The following RBFOX1 variants were observed in gnomAD, a reference collection of about 807,000 sequenced individuals.
The protein encoded by RBFOX1 is RNA binding fox-1 homolog 1, also known as RNA binding protein fox-1 homolog 1.
Under a neutral mutation model 57.7 loss-of-function variants are expected in RBFOX1, and 8 were observed. The ratio of observed to expected loss-of-function variants is 0.14; its 90% confidence interval spans 0.08 to 0.25. The LOEUF is 0.25. RBFOX1 is among the 10% of genes least tolerant of loss of function. The pLI is 1.00. For missense variants in RBFOX1, 611 were observed against 548.5 expected, an observed-to-expected ratio of 1.11 and a Z score of -1.14; for synonymous variants, 326 against 222.4, an observed-to-expected ratio of 1.47 and a Z score of -4.15.
intron 4 of RBFOX1, among the ~76,000 whole-genome samples, chr16:7,425,540 G>A (rs2098602205): frequency 6.6e-6 from 1 of 152,056 alleles, no homozygotes; most frequent in Non-Finnish European, 1.5e-5. Flanking sequence ...CTTATTTCTG[G>A]CGGTCTCTTT....
At chr16:6,179,008 C>T (rs1324276258) in intron 1 of RBFOX1, among the ~76,000 whole-genome samples, 1 of 152,104 alleles carries the variant, frequency 6.6e-6, no homozygotes, top group Non-Finnish European at 1.5e-5. Flanking sequence ...ATTTGTATAC[C>T]ACTCAACAAG....
chr16:7,094,873 A>T (rs1433856428), intron 4 of RBFOX1, among the ~76,000 whole-genome samples: 2 of 151,910 alleles, frequency 1.3e-5, no homozygotes, highest in Non-Finnish European at 2.9e-5. Context: ...TAACATTTGG[A>T]TAACGTGTTC....
intron 1 of RBFOX1, among the ~76,000 whole-genome samples, chr16:5,430,310 T>G (rs1369584524): frequency 1.3e-5 from 2 of 152,022 alleles, no homozygotes; most frequent in Non-Finnish European, 2.9e-5. Flanking sequence ...ACCTGAAAGA[T>G]AAATGGGAGT....
At chr16:6,035,192 C>T (rs1273750512) in intron 1 of RBFOX1, among the ~76,000 whole-genome samples, 1 of 152,146 alleles carries the variant, frequency 6.6e-6, no homozygotes, top group Non-Finnish European at 1.5e-5. Flanking sequence ...GAACCTTGCC[C>T]CACTAACTCA....
At chr16:5,832,786 T>C (rs2056324982) in intron 3 of RBFOX1, among the ~76,000 whole-genome samples, 1 of 152,184 alleles carries the variant, frequency 6.6e-6, no homozygotes, top group South Asian at 2.1e-4. Context: ...ACCAAAGATG[T>C]TCTGGAAGCT....
intron 2 of RBFOX1, among the ~76,000 whole-genome samples, chr16:6,569,595 G>A (rs1026170508): frequency 6.6e-6 from 1 of 152,192 alleles, no homozygotes; most frequent in Non-Finnish European, 1.5e-5. Flanking sequence ...TAGTTGCGAC[G>A]TGGAGAAATC....
At chr16:7,180,330 G>C (rs549612884) in intron 4 of RBFOX1, among the ~76,000 whole-genome samples, 1 of 152,246 alleles carries the variant, frequency 6.6e-6, no homozygotes, top group South Asian at 2.1e-4. Context: ...AGAAAACTGA[G>C]GCTAAGAGAA....
At chr16:7,162,976 G>A (rs1308181863) in intron 4 of RBFOX1, among the ~76,000 whole-genome samples, 1 of 152,050 alleles carries the variant, frequency 6.6e-6, no homozygotes, top group South Asian at 2.1e-4. Flanking sequence ...CCAGTCACCT[G>A]GCATCTCCAC....
chr16:6,573,955 C>G (rs9940967), intron 2 of RBFOX1: 1 of 152,026 alleles, frequency 6.6e-6, no homozygotes, highest in East Asian at 1.9e-4. Context: ...GAGGTTATAC[C>G]CTCGCTTAGG....
chr16:6,281,464 A>G (rs1384280925), intron 1 of RBFOX1, among the ~76,000 whole-genome samples: 3 of 152,104 alleles, frequency 2.0e-5, no homozygotes. Flanking sequence ...GAAAATTACC[A>G]TGAATGTGTC....
chr16:6,670,516 T>C (rs2098757514), intron 3 of RBFOX1, among the ~76,000 whole-genome samples: 1 of 152,124 alleles, frequency 6.6e-6, no homozygotes, highest in Admixed American at 6.5e-5. Context: ...GCTAAGGATA[T>C]AACAGAAAAC....
At chr16:7,254,931 T>G (rs2094617771) in intron 4 of RBFOX1, among the ~76,000 whole-genome samples, 1 of 152,164 alleles carries the variant, frequency 6.6e-6, no homozygotes, top group Non-Finnish European at 1.5e-5. Flanking sequence ...ATTTCAAATT[T>G]CAATTCACTC....
chr16:7,423,420 A>G (rs1287497577), intron 4 of RBFOX1, among the ~76,000 whole-genome samples: 1 of 152,054 alleles, frequency 6.6e-6, no homozygotes, highest in East Asian at 1.9e-4. Context: ...ATACTAAAAG[A>G]TATTTGGGGT....
At chr16:5,829,330 A>G (rs2056185005) in intron 3 of RBFOX1, among the ~76,000 whole-genome samples, 1 of 152,206 alleles carries the variant, frequency 6.6e-6, no homozygotes, top group South Asian at 2.1e-4. Context: ...ATGATGAGCT[A>G]TGCATTTTGA....
chr16:5,948,373 A>T (rs1305286654), intron 4 of RBFOX1, among the ~76,000 whole-genome samples: 2 of 152,218 alleles, frequency 1.3e-5, no homozygotes, highest in African/African-American at 2.4e-5. Context: ...GTGGTCCAGC[A>T]GTGGGGACAT....
chr16:5,952,937 G>T (rs185117542), intron 4 of RBFOX1, among the ~76,000 whole-genome samples: 3 of 152,104 alleles, frequency 2.0e-5, no homozygotes, highest in African/African-American at 7.2e-5. Flanking sequence ...TATTTAATTT[G>T]CTTTGGTTTT....
intron 11 of RBFOX1, among the ~76,000 whole-genome samples, chr16:7,636,494 G>A (rs542536429): frequency 1.3e-5 from 2 of 152,302 alleles, no homozygotes; most frequent in Non-Finnish European, 2.9e-5. Flanking sequence ...TGTTACACGT[G>A]TATTTCCTGT....
rs542758539 is a variant in RBFOX1 at position 6,916,415 on chromosome 16, C to T, written c.-15-135642C>T. Reference sequence around the variant, plus strand: ...AGGTTTTCATTTCTCTTGAATATATCCCTAGGTGTGGAATTGCTGGGTAAT... The same window carrying T: ...AGGTTTTCATTTCTCTTGAATATATTCCTAGGTGTGGAATTGCTGGGTAAT... On this transcript the variant is annotated intron_variant, in intron 3 of 15. Transcript: ENST00000550418. Among the ~76,000 whole-genome samples, 200 of 152,110 alleles carry T rather than the reference C, an allele frequency of 1.3e-3. 1 individual carries two copies. Among genetic ancestry groups the T allele is most frequent in the African/African-American group, 4.5e-3 (185 of 41,514 alleles).
chr16:6,074,381 T>A (rs1397212399), intron 1 of RBFOX1, among the ~76,000 whole-genome samples: 7 of 152,174 alleles, frequency 4.6e-5, no homozygotes, highest in African/African-American at 1.7e-4. Flanking sequence ...CTGCAGATAT[T>A]TTCTGGAATG....
Sources: gnomAD v4.1 joint callset for allele counts (sites outside exome capture counted in the v4.1 genomes callset) on GRCh38, gnomAD v4.1.1 for gene constraint, MANE v1.5 for transcripts, NCBI Gene and HGNC (gene_info 2026-07-23, HGNC 2026-07-21) for gene names.